POLR2F: variants seen among roughly 807,000 people sequenced by gnomAD.
The protein encoded by POLR2F is DNA-directed RNA polymerases I, II, and III subunit RPABC2.
Under a neutral mutation model 22.7 loss-of-function variants are expected in POLR2F, and 12 were observed. The observed-to-expected ratio is 0.53, with a 90% CI of 0.34 to 0.86. The LOEUF (loss-of-function observed/expected upper bound fraction) is 0.86, where lower values mean the gene tolerates loss of function less well. Among genes scored for constraint, POLR2F ranks in the 40% least tolerant of loss-of-function variants. POLR2F has a pLI of 0.02. For missense variants in POLR2F, 126 were observed against 171.5 expected (o/e 0.73, Z 1.48); for synonymous variants, 57 against 66.0 (o/e 0.86, Z 0.66).
At chr22:37,971,439 T>C, downstream of POLR2F, 3 of 394,656 alleles carry the variant, frequency 7.6e-6, no homozygotes, top group Admixed American at 2.9e-5. Flanking sequence ...ACCATCGGAG[T>C]TGTTCATCAG....
intron 1 of POLR2F, among the ~76,000 whole-genome samples, chr22:37,998,410 G>C (rs969450588): frequency 6.6e-6 from 1 of 152,232 alleles, no homozygotes; most frequent in African/African-American, 2.4e-5. Context: ...TGGCCCTGGG[G>C]AGGCTGTGGA....
At chr22:38,002,218 T>TG (rs1273050120) in intron 1 of POLR2F, among the ~76,000 whole-genome samples, 2 of 151,892 alleles carry the variant, frequency 1.3e-5, no homozygotes, top group Non-Finnish European at 2.9e-5. Flanking sequence ...GACTTTTTAT[T>TG]GGGCCACAAA....
intron 1 of POLR2F, among the ~76,000 whole-genome samples, chr22:37,994,924 T>C (rs1033560587): frequency 3.3e-5 from 5 of 152,180 alleles, no homozygotes; most frequent in Non-Finnish European, 7.3e-5. Context: ...GGATTATAGG[T>C]GTGCGCCACC....
At chr22:38,035,738 G>C (rs576757187) in intron 5 of POLR2F, among the ~76,000 whole-genome samples, 48 of 152,308 alleles carry the variant, frequency 3.2e-4, no homozygotes, top group Non-Finnish European at 6.3e-4. Context: ...GGGAACAGCA[G>C]AAGAGGAGGG....
chr22:38,040,140 G>A (rs898955851), intron 5 of POLR2F, among the ~76,000 whole-genome samples: 4 of 151,778 alleles, frequency 2.6e-5, no homozygotes, highest in African/African-American at 9.7e-5. Flanking sequence ...GCTAATCATG[G>A]TGGTGTATGC....
In POLR2F at chr22:37,986,810, A is replaced by G. The variant is rs1169676429; in HGVS notation, c.120+498A>G. On this transcript the variant is annotated intron_variant, in intron 1 of 2. Coordinates refer to the POLR2F transcript ENST00000333418. The surrounding 1 kb of genome is among the most constrained non-coding windows in gnomAD (Gnocchi z 4.7). ...CATGCTGGCAACTGGGATCCCCTCC[A>G]TCCCATCCCAGGCCCTGGGAACCCA... The G allele has an allele frequency of 4.4e-6, 2 of 459,424 alleles. No individual in the cohort carries two copies. Among genetic ancestry groups the G allele is most frequent in the Non-Finnish European group, 8.7e-6 (2 of 229,124 alleles). The allele number at this position is 459,424 out of a possible 1,614,324, so 28.5% of individuals were successfully genotyped here.
Position 37,974,393 on chromosome 22 carries a change from C to G in POLR2F, c.293+7223C>G, listed in dbSNP as rs1047222608. On this transcript the variant is annotated intron_variant, in intron 4 of 4. Transcript: ENST00000405557. This position sits in a 1 kb window ranked among gnomAD's most constrained non-coding sequence, Gnocchi z 5.4. Reference sequence around the variant, plus strand: ...TTGAGATGGAGTTTCGCTCTTGTTGCCCAGACTGGAGTGCAGTGGCGCCAT... The same window carrying G: ...TTGAGATGGAGTTTCGCTCTTGTTGGCCAGACTGGAGTGCAGTGGCGCCAT... Among the ~76,000 whole-genome samples the G allele has an allele frequency of 1.3e-5, 2 of 148,734 alleles. No homozygotes were observed. Among genetic ancestry groups the G allele is most frequent in the African/African-American group, 2.5e-5 (1 of 39,262 alleles).
At position 37,980,051 on chromosome 22, in the gene POLR2F, C is replaced by A. The variant is rs1356346024; in HGVS notation, c.293+12881C>A. Among the ~76,000 whole-genome samples the A allele has an allele frequency of 6.6e-6, 1 of 152,150 alleles. No individual in the cohort carries two copies. Among genetic ancestry groups the A allele is most frequent in the Non-Finnish European group, 1.5e-5 (1 of 68,022 alleles). Reference sequence around the variant, plus strand: ...GGCTTAGCCTCCCTGTCTACTCCCCCCACCCCGGCCCTGAGCCCAGCCCTA... The same window carrying A: ...GGCTTAGCCTCCCTGTCTACTCCCCACACCCCGGCCCTGAGCCCAGCCCTA... On this transcript the variant is annotated intron_variant, in intron 4 of 4. Coordinates refer to the POLR2F transcript ENST00000405557. This position sits in a 1 kb window ranked among gnomAD's most constrained non-coding sequence, Gnocchi z 4.1.
At chr22:37,983,836 C>A, upstream of POLR2F, 1 of 1,336,152 alleles carries the variant, frequency 7.5e-7, no homozygotes, top group Non-Finnish European at 9.6e-7. The surrounding 1 kb of genome is among the most constrained non-coding windows in gnomAD (Gnocchi z 9.5). Flanking sequence ...CCGGGCCAGC[C>A]GCCGGGGTCC....
chr22:37,968,523 TTACA>T lies in POLR2F; in HGVS notation c.*810_*813del, dbSNP rs1337875927. The T allele has an allele frequency of 2.6e-5, 26 of 985,732 alleles. No homozygotes were observed. In the African/African-American group the frequency reaches 4.4e-4, roughly 17 times the overall value. 61.1% of individuals were successfully genotyped at this position (985,732 alleles called of 1,614,324 possible). On this transcript the variant is annotated 3_prime_UTR_variant, in exon 5 of 5. Transcript: ENST00000442738. ...TGGTGGTGCTCCTGGGTTCCAGGTG[TTACA>T]TTAAGTCAGAGCTGGAGTTCCCCCT... is the stretch of plus-strand genomic sequence containing the variant.
At chr22:37,959,132 C>T (rs1931520989) in intron 2 of POLR2F, among the ~76,000 whole-genome samples, 1 of 152,138 alleles carries the variant, frequency 6.6e-6, no homozygotes, top group Admixed American at 6.6e-5. Flanking sequence ...GGTTAGCTGA[C>T]TTTCCAAGCC....
intron 3 of POLR2F, among the ~76,000 whole-genome samples, chr22:37,966,237 A>G (rs1360564186): frequency 6.6e-6 from 1 of 152,306 alleles, no homozygotes; most frequent in East Asian, 1.9e-4. Context: ...GGGAAACAAC[A>G]TGGCGCATCT....
chr22:37,962,891 C>T (rs867390541), intron 3 of POLR2F, among the ~76,000 whole-genome samples: 42 of 151,880 alleles, frequency 2.8e-4, no homozygotes, highest in African/African-American at 9.9e-4. Context: ...GGTGTTTCAC[C>T]GTGTTAGCGA....
chr22:37,964,572 C>CTTTCT (rs1931778272), intron 3 of POLR2F, among the ~76,000 whole-genome samples: 1 of 131,290 alleles, frequency 7.6e-6, no homozygotes, highest in South Asian at 2.4e-4. Context: ...TTCTTTCTTT[C>CTTTCT]TTTTTTTTTT....
At chr22:38,033,837 C>G (rs1311010077) in intron 5 of POLR2F, among the ~76,000 whole-genome samples, 4 of 152,208 alleles carry the variant, frequency 2.6e-5, no homozygotes, top group Non-Finnish European at 2.9e-5. Context: ...CTCGAGGCTT[C>G]TGTCCTGTGC....
chr22:38,034,759 G>C (rs748470386), intron 5 of POLR2F, among the ~76,000 whole-genome samples: 2 of 152,202 alleles, frequency 1.3e-5, no homozygotes, highest in East Asian at 1.9e-4. Context: ...TCGGAACAAT[G>C]AGTCAGAAGC....
chr22:37,986,011 A>G (rs1490267519), upstream of POLR2F: 2 of 1,311,812 alleles, frequency 1.5e-6, no homozygotes, highest in East Asian at 2.9e-5. The surrounding 1 kb of genome is among the most constrained non-coding windows in gnomAD (Gnocchi z 4.7). Context: ...GGCGCTGCCA[A>G]CCCTCCTCCC....
chr22:37,999,776 G>A (rs1239855948), intron 1 of POLR2F, among the ~76,000 whole-genome samples: 1 of 152,170 alleles, frequency 6.6e-6, no homozygotes, highest in Non-Finnish European at 1.5e-5. Flanking sequence ...CTTGAAAATG[G>A]GTCATGTCAT....
rs1230094575 is a variant in POLR2F, at chr22:38,016,902, G to C, written c.121-8967G>C. Among the ~76,000 whole-genome samples, 4 of 152,154 alleles carry C rather than the reference G, an allele frequency of 2.6e-5. No individual in the cohort carries two copies. The highest frequency in any genetic ancestry group is 9.7e-5 in the African/African-American group (4 of 41,436). ...AAAGAAAGAGCAGAGCAAGGGCCTG[G>C]TGTGGATTGATGTCTGGGCCTGGGC... is the stretch of plus-strand genomic sequence containing the variant. On this transcript the variant is annotated intron_variant, in intron 1 of 2. Transcript: ENST00000333418. This position sits in a 1 kb window ranked among gnomAD's most constrained non-coding sequence, Gnocchi z 4.4.
Sources: gnomAD v4.1 joint callset for allele counts (sites outside exome capture counted in the v4.1 genomes callset) on GRCh38, gnomAD v4.1.1 for gene constraint, Gnocchi (gnomAD v3.1) non-coding constraint, MANE v1.5 for transcripts, NCBI Gene and HGNC (gene_info 2026-07-23, HGNC 2026-07-21) for gene names.